Variants in COL17A1 observed in about 807,000 individuals in gnomAD.
The protein encoded by COL17A1 is collagen type XVII alpha 1 chain, also known as collagen alpha-1(XVII) chain.
A neutral mutation model predicts 218.4 loss-of-function variants in COL17A1; 181 were observed. The ratio of observed to expected loss-of-function variants is 0.83; its 90% confidence interval spans 0.73 to 0.94. The LOEUF is 0.94. Among genes scored for constraint, COL17A1 ranks in the 40% least tolerant of loss-of-function variants. The pLI, the probability that COL17A1 is intolerant of heterozygous loss-of-function variation, is 0.00. For missense variants in COL17A1, 1,924 were observed against 1,945.9 expected (o/e 0.99, Z 0.21); for synonymous variants, 721 against 731.0 (o/e 0.99, Z 0.22).
Position 104,056,776 on chromosome 10 carries a change from A to T in COL17A1, c.1465+199T>A, listed in dbSNP as rs539198610. ...TGCATCCAAATTCAGCTCCACCACTAAGTGGCAGCATGTCCTTGGCCAGGT... is the reference window on the plus strand; with the variant it reads ...TGCATCCAAATTCAGCTCCACCACTTAGTGGCAGCATGTCCTTGGCCAGGT... On this transcript the variant is annotated intron_variant, in intron 17 of 55. Transcript: ENST00000648076. Among the ~76,000 whole-genome samples, 3 of 152,260 alleles carry T rather than the reference A, an allele frequency of 2.0e-5. No homozygotes were observed. The East Asian group carries it at 5.8e-4, about 29-fold the overall frequency.
chr10:104,061,799 TG>T (rs1280094223), intron 12 of COL17A1, among the ~76,000 whole-genome samples: 1 of 152,156 alleles, frequency 6.6e-6, no homozygotes, highest in Non-Finnish European at 1.5e-5. Flanking sequence ...CGTTGTCTCA[TG>T]TGTGTTAGAC....
At chr10:104,058,982 A>C (rs2086556911) in intron 15 of COL17A1, among the ~76,000 whole-genome samples, 1 of 152,042 alleles carries the variant, frequency 6.6e-6, no homozygotes, top group African/African-American at 2.4e-5. Flanking sequence ...GTTTGTGGGC[A>C]TGTGTAGAAT....
chr10:104,055,672 G>A (rs2086515772), intron 18 of COL17A1, 110 bp downstream of exon 18: 5 of 1,451,652 alleles, frequency 3.4e-6, no homozygotes, highest in Non-Finnish European at 4.7e-6. Flanking sequence ...GAGGAGAGAG[G>A]CCGAGAGTGG....
chr10:104,075,816 A>G (rs530671836), intron 5 of COL17A1, among the ~76,000 whole-genome samples: 3 of 152,382 alleles, frequency 2.0e-5, no homozygotes, highest in African/African-American at 7.2e-5. Context: ...CAGCTTGGAC[A>G]GTCCCATCTC....
chr10:104,052,118 T>C (rs769743355), intron 24 of COL17A1, 37 bp downstream of exon 24: 3 of 1,613,908 alleles, frequency 1.9e-6, no homozygotes, highest in East Asian at 4.5e-5. Flanking sequence ...GCTTCTCCTC[T>C]GGAAAACTTT....
In COL17A1 at chr10:104,064,474, A is replaced by T. The variant is rs1216218822; in HGVS notation, c.730T>A (p.Ser244Thr). The change falls in exon 10 of 56, where the codon TCC (serine) becomes ACC (threonine). Residue 244 changes from serine (S) to threonine (T), a missense_variant. Physicochemically the swap from Ser to Thr is moderately conservative, Grantham distance 58. Coordinates refer to ENST00000648076, the MANE Select transcript of COL17A1 (RefSeq NM_000494.4). ...YHNNMTTQSS[S>T]LLNTNAYSAG... Reference sequence around the variant, plus strand: ...GAGTAGGCATTGGTGTTGAGGAGGGATGAGCTCTGGGTTGTCATGTTGTTG... The same window carrying T: ...GAGTAGGCATTGGTGTTGAGGAGGGTTGAGCTCTGGGTTGTCATGTTGTTG... 1 of 1,614,096 alleles carries T rather than the reference A, an allele frequency of 6.2e-7. No individual in the cohort carries two copies. The highest frequency in any genetic ancestry group is 1.7e-5 in the Admixed American group (1 of 60,020).
intron 11 of COL17A1, among the ~76,000 whole-genome samples, chr10:104,063,067 G>A (rs1564682105): frequency 6.6e-6 from 1 of 152,296 alleles, no homozygotes; most frequent in Non-Finnish European, 1.5e-5. Flanking sequence ...CTGGAGGAAG[G>A]TGCTGAAAAT....
intron 8 of COL17A1, 95 bp from the exon 9 acceptor site, chr10:104,070,664 G>A: frequency 2.5e-6 from 4 of 1,608,524 alleles, no homozygotes; most frequent in Non-Finnish European, 3.4e-6. Context: ...TCTGACTACT[G>A]GGGAGAATGG....
At chr10:104,050,567 C>T in intron 27 of COL17A1, 54 bp downstream of exon 27, 3 of 1,612,322 alleles carry the variant, frequency 1.9e-6, no homozygotes, top group Non-Finnish European at 2.5e-6. Flanking sequence ...CCCATCTGGG[C>T]TCCCAGGAGT....
chr10:104,034,526 G>A, intron 51 of COL17A1, 95 bp downstream of exon 51: 1 of 1,539,626 alleles, frequency 6.5e-7, no homozygotes, highest in South Asian at 1.2e-5. Flanking sequence ...CTCTCGTGTG[G>A]CCTTCCTGTC....
chr10:104,036,468 A>G (rs200131141), intron 48 of COL17A1, 24 bp downstream of exon 48: 1 of 1,613,608 alleles, frequency 6.2e-7, no homozygotes, highest in East Asian at 2.2e-5. Flanking sequence ...GCCCTTCCCA[A>G]CCACCCCTCC....
chr10:104,058,309 C>A, intron 15 of COL17A1, 119 bp from the exon 16 acceptor site: 1 of 1,218,082 alleles, frequency 8.2e-7, no homozygotes, highest in Non-Finnish European at 1.2e-6. Flanking sequence ...CAACGACGTG[C>A]AGGAACATCC....
rs538406787 is a variant in COL17A1, at chr10:104,051,597, G to A, written c.2003-81C>T. 8 of 1,555,784 alleles carry A rather than the reference G, an allele frequency of 5.1e-6. No individual in the cohort carries two copies. The East Asian group carries it at 1.6e-4, about 31-fold the overall frequency. On this transcript the variant is annotated intron_variant, in intron 24 of 55. Coordinates refer to ENST00000648076, the MANE Select transcript of COL17A1 (RefSeq NM_000494.4). ...CTGGCCCCGGTGCAGGGCAGGTGGGGGTTAGGGACGCTGTCTTCCAGGTGA... is the reference window on the plus strand; with the variant it reads ...CTGGCCCCGGTGCAGGGCAGGTGGGAGTTAGGGACGCTGTCTTCCAGGTGA...
chr10:104,038,754 TCCTTCTGCAACCTGCTGA>T (rs1213755351), intron 44 of COL17A1, among the ~76,000 whole-genome samples: 1 of 152,028 alleles, frequency 6.6e-6, no homozygotes, highest in African/African-American at 2.4e-5. Flanking sequence ...AACCGCCCTT[TCCTTCTGCAACCTGCTGA>T]AGGACCCCCA....
rs370471490 is a variant in COL17A1 at position 104,034,077 on chromosome 10, C to T, written c.4024G>A (p.Gly1342Ser). 7.7e-5 allele frequency: 125 copies of T among 1,614,004 alleles called. No individual in the cohort carries two copies. The highest frequency in any genetic ancestry group is 1.1e-4 in the African/African-American group (8 of 74,932). ...GDRGPYGTDI[G>S]PGGGYGAAAE... ...GCTGCCCCATAGCCTCCGCCTGGGC[C>T]GATGTCAGTGCCATAGGGACCCCTG... is the stretch of plus-strand genomic sequence containing the variant. Residue 1342 changes from glycine (G) to serine (S), a missense_variant, in exon 52 of 56, where the codon GGC (glycine) becomes AGC (serine). Gly to Ser is a moderately conservative substitution (Grantham distance 56). Transcript: ENST00000648076.
chr10:104,034,596 G>A (rs2086255768), intron 51 of COL17A1, 25 bp downstream of exon 51: 1 of 1,606,048 alleles, frequency 6.2e-7, no homozygotes, highest in Non-Finnish European at 8.5e-7. Flanking sequence ...GGTGCCTGGT[G>A]GGGCATCACC....
chr10:104,063,596 C>G, intron 11 of COL17A1, 151 bp downstream of exon 11: 5 of 1,239,948 alleles, frequency 4.0e-6, no homozygotes, highest in Non-Finnish European at 5.8e-6. Context: ...TGAGTTCTCC[C>G]TGTGGTTGAA....
chr10:104,049,529 A>G (rs2086447115), intron 28 of COL17A1, 58 bp from the exon 29 acceptor site: 5 of 1,565,964 alleles, frequency 3.2e-6, no homozygotes, highest in South Asian at 1.1e-5. Flanking sequence ...TGCTTTAACA[A>G]TGGTGGTCTG....
intron 35 of COL17A1, 111 bp downstream of exon 35, chr10:104,043,390 T>C: frequency 4.0e-6 from 4 of 997,276 alleles, no homozygotes; most frequent in Non-Finnish European, 4.7e-6. Context: ...CCTTATTCTC[T>C]TTACCAGGTT....
Sources: gnomAD v4.1 joint callset for allele counts (sites outside exome capture counted in the v4.1 genomes callset) on GRCh38, gnomAD v4.1.1 for gene constraint, MANE v1.5 for transcripts, NCBI Gene and HGNC (gene_info 2026-07-23, HGNC 2026-07-21) for gene names.